The following PRKAR2B variants were observed in gnomAD, a reference collection of about 807,000 sequenced individuals.
PRKAR2B encodes the protein protein kinase cAMP-dependent type II regulatory subunit beta, also known as cAMP-dependent protein kinase type II-beta regulatory subunit.
Under a neutral mutation model 49.9 loss-of-function variants are expected in PRKAR2B, and 14 were observed. That is an observed-to-expected ratio of 0.28 (90% confidence interval 0.19 to 0.44). PRKAR2B has a LOEUF of 0.44. Ranked by LOEUF, PRKAR2B falls within the 20% of genes least tolerant of loss-of-function variation. The pLI is 1.00. For missense variants in PRKAR2B, 393 were observed against 537.9 expected (o/e 0.73, Z 2.67); for synonymous variants, 196 against 197.7 (o/e 0.99, Z 0.07).
At chr7:107,051,440 C>T (rs1047739521) in intron 1 of PRKAR2B, among the ~76,000 whole-genome samples, 1 of 152,090 alleles carries the variant, frequency 6.6e-6, no homozygotes, top group African/African-American at 2.4e-5. Flanking sequence ...TGTTCTTGTC[C>T]TTCCTGTCTT....
chr7:107,119,066 T>C (rs945610903), intron 2 of PRKAR2B, among the ~76,000 whole-genome samples: 2 of 152,116 alleles, frequency 1.3e-5, no homozygotes, highest in Non-Finnish European at 2.9e-5. Flanking sequence ...ATTGAGACAA[T>C]TGATAAACTC....
rs771035954 is a variant in PRKAR2B at position 107,159,460 on chromosome 7, C to A, written c.1135C>A (p.Gln379Lys). The change falls in exon 11 of 11, where the codon CAA becomes AAA. Residue 379 changes from glutamine to lysine, a missense_variant. Transcript: ENST00000265717. ...GTVKCLAMDV[Q>K]AFERLLGPCM... ...TTCTCTTTTCTCAGCAATGGATGTGCAAGCATTTGAAAGGCTTCTGGGACC... is the reference window on the plus strand; with the variant it reads ...TTCTCTTTTCTCAGCAATGGATGTGAAAGCATTTGAAAGGCTTCTGGGACC... 8 of 1,613,802 alleles carry A rather than the reference C, an allele frequency of 5.0e-6. No homozygotes were observed. Among genetic ancestry groups the A allele is most frequent in the Non-Finnish European group, 6.8e-6 (8 of 1,179,896 alleles).
chr7:107,127,281 G>C (rs1410549932), intron 3 of PRKAR2B, among the ~76,000 whole-genome samples: 1 of 152,212 alleles, frequency 6.6e-6, no homozygotes, highest in Admixed American at 6.5e-5. Context: ...ATTGGAATAG[G>C]AAAGGGTGGT....
intron 1 of PRKAR2B, among the ~76,000 whole-genome samples, chr7:107,066,007 A>G (rs1463111747): frequency 6.6e-6 from 1 of 152,192 alleles, no homozygotes; most frequent in African/African-American, 2.4e-5. Context: ...AACTAAACGA[A>G]TCTAGTGGAA....
chr7:107,090,086 T>C (rs1016365771), intron 2 of PRKAR2B, among the ~76,000 whole-genome samples: 1 of 152,260 alleles, frequency 6.6e-6, no homozygotes, highest in African/African-American at 2.4e-5. Flanking sequence ...GTGACTGCAA[T>C]GTGCAAACAC....
At chr7:107,145,826 G>A (rs1323542184) in intron 5 of PRKAR2B, among the ~76,000 whole-genome samples, 2 of 141,172 alleles carry the variant, frequency 1.4e-5, no homozygotes, top group Non-Finnish European at 3.0e-5. Flanking sequence ...TGCAACCTCC[G>A]TCTCCCAGGT....
At chr7:107,115,852 T>C (rs1176429431) in intron 2 of PRKAR2B, among the ~76,000 whole-genome samples, 1 of 152,220 alleles carries the variant, frequency 6.6e-6, no homozygotes, top group Non-Finnish European at 1.5e-5. Flanking sequence ...CAATGTGATA[T>C]ATATTCCTTA....
intron 4 of PRKAR2B, among the ~76,000 whole-genome samples, chr7:107,139,760 A>T (rs779287583): frequency 6.6e-6 from 1 of 152,190 alleles, no homozygotes; most frequent in East Asian, 1.9e-4. Context: ...TAACATTTTC[A>T]TGCGGTCTCA....
intron 2 of PRKAR2B, chr7:107,079,460 A>G (rs941249829): frequency 2.0e-5 from 3 of 152,074 alleles, no homozygotes; most frequent in East Asian, 1.9e-4. Flanking sequence ...AAAAAAACAA[A>G]CATACCTTAT....
chr7:107,051,650 CAAAT>C (rs1165899985), intron 1 of PRKAR2B, among the ~76,000 whole-genome samples: 1 of 151,898 alleles, frequency 6.6e-6, no homozygotes, highest in Non-Finnish European at 1.5e-5. Flanking sequence ...ACAAAACAAT[CAAAT>C]AAGAAAATCA....
At chr7:107,126,420 CAA>C (rs35682952) in intron 3 of PRKAR2B, among the ~76,000 whole-genome samples, 7 of 38,398 alleles carry the variant, frequency 1.8e-4, no homozygotes, top group African/African-American at 4.2e-4. Flanking sequence ...GAATCTGTCT[CAA>C]AAAAAAAAAA....
chr7:107,070,870 C>T (rs1265683019), intron 2 of PRKAR2B, among the ~76,000 whole-genome samples: 3 of 152,044 alleles, frequency 2.0e-5, no homozygotes, highest in African/African-American at 7.2e-5. Context: ...TGTTTGTGCC[C>T]CTGAGGCTAT....
At chr7:107,083,879 G>A (rs1794563793) in intron 2 of PRKAR2B, among the ~76,000 whole-genome samples, 1 of 152,118 alleles carries the variant, frequency 6.6e-6, no homozygotes, top group Admixed American at 6.6e-5. Flanking sequence ...CCAAAGTGCT[G>A]GGATTACAGG....
chr7:107,127,913 G>C (rs1292334712), intron 3 of PRKAR2B, among the ~76,000 whole-genome samples: 1 of 152,188 alleles, frequency 6.6e-6, no homozygotes, highest in African/African-American at 2.4e-5. Context: ...GCCAGTCACA[G>C]TTGTGTGCAT....
chr7:107,065,976 T>G (rs1188400619), intron 1 of PRKAR2B, among the ~76,000 whole-genome samples: 1 of 152,202 alleles, frequency 6.6e-6, no homozygotes, highest in Non-Finnish European at 1.5e-5. Context: ...GTTACACTTC[T>G]GGGTCTCTTG....
chr7:107,094,987 G>A (rs1239564343), intron 2 of PRKAR2B, among the ~76,000 whole-genome samples: 5 of 151,994 alleles, frequency 3.3e-5, no homozygotes, highest in Admixed American at 1.3e-4. Flanking sequence ...TTGGCAATAC[G>A]GGCTCTTTTT....
chr7:107,112,742 A>C (rs1795200042), intron 2 of PRKAR2B, among the ~76,000 whole-genome samples: 1 of 152,170 alleles, frequency 6.6e-6, no homozygotes, highest in African/African-American at 2.4e-5. Context: ...TTTTGCCTTT[A>C]ATTAATGAAA....
chr7:107,117,022 T>C (rs962945288), intron 2 of PRKAR2B, among the ~76,000 whole-genome samples: 11 of 151,326 alleles, frequency 7.3e-5, no homozygotes, highest in African/African-American at 2.7e-4. Flanking sequence ...CAATCTTTTT[T>C]CCATTATCAT....
intron 4 of PRKAR2B, among the ~76,000 whole-genome samples, chr7:107,135,563 T>C (rs1019164335): frequency 6.6e-6 from 1 of 152,156 alleles, no homozygotes; most frequent in Non-Finnish European, 1.5e-5. Context: ...TTAATCACTT[T>C]CCTTTATATC....
Sources: gnomAD v4.1 joint callset for allele counts (sites outside exome capture counted in the v4.1 genomes callset) on GRCh38, gnomAD v4.1.1 for gene constraint, MANE v1.5 for transcripts, NCBI Gene and HGNC (gene_info 2026-07-23, HGNC 2026-07-21) for gene names.